Variants in TENM1 observed in about 807,000 individuals in gnomAD.
The protein encoded by TENM1 is teneurin-1.
A neutral mutation model predicts 174.8 loss-of-function variants in TENM1; 35 were observed. The observed-to-expected ratio is 0.20, with a 90% confidence interval of 0.15 to 0.27. The LOEUF is 0.27. TENM1 is among the 10% of genes least tolerant of loss of function. The pLI is 1.00. For synonymous variants in TENM1, 781 were observed against 798.7 expected (o/e 0.98, Z 0.37); for missense variants, 1,633 against 2,130.1 (o/e 0.77, Z 4.59).
chrX:124,931,111 G>A (rs2058163708), intron 1 of TENM1, among the ~76,000 whole-genome samples: 1 of 111,140 alleles, frequency 9.0e-6, no homozygotes, highest in East Asian at 2.8e-4. Flanking sequence ...TGTCAGAGAA[G>A]AAGGCTTCAA....
chrX:124,729,842 G>T (rs2053523900), intron 4 of TENM1, among the ~76,000 whole-genome samples: 1 of 111,935 alleles, frequency 8.9e-6, no homozygotes, highest in Admixed American at 9.4e-5. Flanking sequence ...TTGGAACATG[G>T]TGGTGAAAGA....
chrX:124,694,530 G>A (rs768847841), intron 5 of TENM1, among the ~76,000 whole-genome samples: 8 of 111,712 alleles, frequency 7.2e-5, no homozygotes, highest in African/African-American at 2.6e-4. Context: ...TAAGGGAATG[G>A]AGAGATTTGG....
intron 3 of TENM1, among the ~76,000 whole-genome samples, chrX:124,752,331 A>C (rs1400193990): frequency 9.0e-6 from 1 of 111,369 alleles, no homozygotes; most frequent in East Asian, 2.8e-4. Flanking sequence ...CCACTTTTTG[A>C]TGGGGCTGTT....
the TENM1 span, among the ~76,000 whole-genome samples, chrX:125,135,958 A>G: frequency 9.0e-6 from 1 of 111,078 alleles, no homozygotes; most frequent in African/African-American, 3.2e-5. Context: ...AGGGCTAGGT[A>G]AATAGACATG....
At position 124,789,274 on chromosome X, in the gene TENM1, T is replaced by C. The variant is rs890082339; in HGVS notation, c.536-52077A>G. Among the ~76,000 whole-genome samples, 4 of 110,108 alleles carry C rather than the reference T, an allele frequency of 3.6e-5. No individual in the cohort carries two copies. In the Admixed American group the frequency reaches 3.8e-4, roughly 11 times the overall value. On this transcript the variant is annotated intron_variant, in intron 3 of 31. Transcript: ENST00000422452. The stretch of plus-strand genomic sequence containing the variant: ...CCTGGCCCAGGAAACCATATTTTCC[T>C]CCTAGACCTCCCAGCCTGTGATGGG...
intron 5 of TENM1, among the ~76,000 whole-genome samples, chrX:124,676,281 T>C (rs1602976359): frequency 3.0e-5 from 1 of 33,870 alleles, no homozygotes; most frequent in African/African-American, 1.6e-4. Flanking sequence ...TATATATATA[T>C]ATATATATAT....
At chrX:124,893,579 G>C (rs949795557) in intron 3 of TENM1, among the ~76,000 whole-genome samples, 45 of 111,728 alleles carry the variant, frequency 4.0e-4, no homozygotes, top group African/African-American at 1.4e-3. Flanking sequence ...CCCTGTGGTG[G>C]GATGCTTGGA....
chrX:124,743,519 G>C (rs1439658326), intron 3 of TENM1, among the ~76,000 whole-genome samples: 1 of 112,101 alleles, frequency 8.9e-6, no homozygotes, highest in African/African-American at 3.2e-5. Context: ...AAGGAGAACA[G>C]TCACAGAGGC....
intron 11 of TENM1, among the ~76,000 whole-genome samples, chrX:124,585,905 A>G (rs909806443): frequency 7.2e-5 from 8 of 111,131 alleles, no homozygotes; most frequent in African/African-American, 2.7e-4. Context: ...AATACTACAG[A>G]TACCTCTACA....
the TENM1 span, among the ~76,000 whole-genome samples, chrX:125,143,076 G>C: frequency 8.9e-6 from 1 of 111,852 alleles, no homozygotes; most frequent in Non-Finnish European, 1.9e-5. Context: ...TAAAAAGGTG[G>C]AGTCAAATCA....
In TENM1 at chrX:124,862,414, G is replaced by A. The variant is rs1039393250; in HGVS notation, c.535+31882C>T. On this transcript the variant is annotated intron_variant, in intron 3 of 31. Transcript: ENST00000422452. ...CAATACCCCCCTCCCCCCATTGCCC[G>A]TGGCAGCAGCTGTGTGGTGTAGAGA... is the stretch of plus-strand genomic sequence containing the variant. Among the ~76,000 whole-genome samples, 6 of 111,867 alleles carry A rather than the reference G, an allele frequency of 5.4e-5. No individual in the cohort carries two copies. The South Asian group carries it at 1.1e-3, about 21-fold the overall frequency.
At chrX:124,650,869 T>C (rs188086095) in intron 8 of TENM1, among the ~76,000 whole-genome samples, 2 of 112,105 alleles carry the variant, frequency 1.8e-5, no homozygotes, top group Admixed American at 1.9e-4. Context: ...ATCATTTCCA[T>C]TGTATTGACT....
intron 16 of TENM1, 134 bp downstream of exon 19, chrX:124,529,730 T>G (rs928123991): frequency 8.4e-6 from 7 of 836,808 alleles, no homozygotes; most frequent in Non-Finnish European, 1.2e-5. Context: ...GAAATAAATA[T>G]CACCAATGAC....
At chrX:124,908,813 T>C (rs758571068) in intron 1 of TENM1, among the ~76,000 whole-genome samples, 2 of 111,219 alleles carry the variant, frequency 1.8e-5, no homozygotes, top group East Asian at 5.6e-4. Flanking sequence ...ATATATTATT[T>C]CATTTAATCC....
intron 20 of TENM1, among the ~76,000 whole-genome samples, chrX:124,494,664 T>C (rs1182032898): frequency 1.9e-5 from 2 of 105,778 alleles, no homozygotes; most frequent in Non-Finnish European, 3.9e-5. Context: ...CCTCCCCCCT[T>C]CCCCCACCCC....
Position 124,523,562 on chromosome X carries a change from C to A in TENM1, c.2835G>T (p.Leu945=). 2 of 1,211,459 alleles carry A rather than the reference C, an allele frequency of 1.7e-6. No individual in the cohort carries two copies. The highest frequency in any genetic ancestry group is 2.2e-6 in the Non-Finnish European group (2 of 895,345). The change falls in exon 17 of 32, where the codon CTG becomes CTT. Residue 945 remains leucine (L), a synonymous_variant. Transcript: ENST00000422452. ...GCAACCAGAGTGTTCTCTTCTCAGGCAGGAAAGGGGATCGGTCGAAGATTA... is the reference window on the plus strand; with the variant it reads ...GCAACCAGAGTGTTCTCTTCTCAGGAAGGAAAGGGGATCGGTCGAAGATTA...
At chrX:124,990,502 A>G in the TENM1 span, among the ~76,000 whole-genome samples, 1 of 112,883 alleles carries the variant, frequency 8.9e-6, no homozygotes, top group Non-Finnish European at 1.9e-5. Context: ...AAAATTATTC[A>G]TCAAAGCTGG....
intron 23 of TENM1, among the ~76,000 whole-genome samples, chrX:124,450,155 G>T (rs182875378): frequency 1.8e-5 from 2 of 110,005 alleles, no homozygotes; most frequent in African/African-American, 6.6e-5. Context: ...TTTAAAAATG[G>T]GAGTTTTCCC....
At chrX:124,764,252 T>C (rs1271505847) in intron 3 of TENM1, among the ~76,000 whole-genome samples, 1 of 111,492 alleles carries the variant, frequency 9.0e-6, no homozygotes, top group African/African-American at 3.3e-5. Flanking sequence ...TGGTAGATGG[T>C]CTTTAAACCC....
Sources: allele counts gnomAD v4.1 joint callset (sites outside exome capture counted in the v4.1 genomes callset), GRCh38; gene constraint gnomAD v4.1.1; transcripts MANE v1.5; gene names NCBI Gene and HGNC (gene_info 2026-07-23, HGNC 2026-07-21).